Variants in ITGA9 observed in about 807,000 individuals in gnomAD.
ITGA9 encodes integrin subunit alpha 9, also known as integrin alpha-9.
Under a neutral mutation model 127.8 loss-of-function variants are expected in ITGA9, and 56 were observed. That is an observed-to-expected ratio of 0.44 (90% confidence interval 0.35 to 0.55). The LOEUF is 0.55. Ranked by LOEUF, ITGA9 falls within the 20% of genes least tolerant of loss-of-function variation. The pLI is 0.00. For missense variants in ITGA9, 1,196 were observed against 1,347.1 expected (o/e 0.89, Z 1.76); for synonymous variants, 508 against 514.5 (o/e 0.99, Z 0.17).
intron 18 of ITGA9, among the ~76,000 whole-genome samples, chr3:37,728,880 G>T (rs1575211041): frequency 6.6e-6 from 1 of 151,830 alleles, no homozygotes; most frequent in Middle Eastern, 3.4e-3. Flanking sequence ...ATGAGGAGGG[G>T]AAGAAACCAA....
intron 15 of ITGA9, among the ~76,000 whole-genome samples, chr3:37,628,214 C>T (rs1435402260): frequency 6.6e-6 from 1 of 152,138 alleles, no homozygotes; most frequent in East Asian, 1.9e-4. Flanking sequence ...TTTCCTTTGA[C>T]ACGTCTCAGA....
chr3:37,715,693 A>G (rs1373170309), intron 18 of ITGA9, among the ~76,000 whole-genome samples: 1 of 152,222 alleles, frequency 6.6e-6, no homozygotes, highest in African/African-American at 2.4e-5. Flanking sequence ...TGTTTAAAAA[A>G]TCCTGGTTTG....
Position 37,579,124 on chromosome 3 carries a change from G to A in ITGA9, c.1689+36539G>A, listed in dbSNP as rs546335165. On this transcript the variant is annotated intron_variant, in intron 15 of 27. Coordinates refer to ENST00000264741, the MANE Select transcript of ITGA9 (RefSeq NM_002207.3). ...CAGTGTGCATAGTCCCAGGGAAGCC[G>A]TCTCATGAGCCCCTCCTTCTCTTGA... Among the ~76,000 whole-genome samples, 13 of 152,288 alleles carry A rather than the reference G, an allele frequency of 8.5e-5. No individual in the cohort carries two copies. The East Asian group carries it at 1.5e-3, about 18-fold the overall frequency.
At chr3:37,587,043 G>C (rs535031769) in intron 15 of ITGA9, among the ~76,000 whole-genome samples, 9 of 152,148 alleles carry the variant, frequency 5.9e-5, no homozygotes, top group Non-Finnish European at 1.3e-4. Context: ...GGGATGCCTT[G>C]GGTTGAAGCT....
rs548382642 is a variant in ITGA9 at position 37,616,135 on chromosome 3, A to G, written c.1690-13052A>G. On this transcript the variant is annotated intron_variant, in intron 15 of 27. Transcript: ENST00000264741. ...AAATTTCCCTCTACACACTGCTTTG[A>G]ATGTGTCCCAGAGATTCTGGTATGT... 3.2e-4 allele frequency among the ~76,000 whole-genome samples: 48 copies of G among 152,292 alleles called. 2 individuals are homozygous for G. In the South Asian group the frequency reaches 8.9e-3, roughly 28 times the overall value.
chr3:37,743,231 A>C (rs900786320), intron 21 of ITGA9, among the ~76,000 whole-genome samples: 8 of 152,248 alleles, frequency 5.3e-5, no homozygotes, highest in Non-Finnish European at 2.9e-5. Flanking sequence ...ACTTAGTCTC[A>C]AAAATCTGCC....
At chr3:37,514,483 C>G (rs1424550846) in intron 9 of ITGA9, among the ~76,000 whole-genome samples, 1 of 152,192 alleles carries the variant, frequency 6.6e-6, no homozygotes, top group Non-Finnish European at 1.5e-5. Flanking sequence ...CAGTGCAGAG[C>G]TGGGCAAGTG....
chr3:37,817,032 T>G (rs1006802778), intron 27 of ITGA9, among the ~76,000 whole-genome samples: 2 of 152,220 alleles, frequency 1.3e-5, no homozygotes, highest in African/African-American at 4.8e-5. Flanking sequence ...AGAAAGATGG[T>G]GGCAACAGAC....
At chr3:37,748,673 A>G (rs1696539140) in intron 22 of ITGA9, 5 of 529,288 alleles carry the variant, frequency 9.4e-6, no homozygotes, top group Non-Finnish European at 1.7e-5. Context: ...GTTCGAATCC[A>G]GGAGGTGGAA....
intron 1 of ITGA9, among the ~76,000 whole-genome samples, chr3:37,467,575 C>A (rs1369676084): frequency 6.6e-6 from 1 of 152,186 alleles, no homozygotes; most frequent in Non-Finnish European, 1.5e-5. Flanking sequence ...GTTTGGGAGA[C>A]ACAGTGGAGG....
At chr3:37,743,012 C>T (rs570917801) in intron 21 of ITGA9, among the ~76,000 whole-genome samples, 1 of 152,322 alleles carries the variant, frequency 6.6e-6, no homozygotes, top group South Asian at 2.1e-4. Context: ...CCACCACCCC[C>T]AGACACTTGA....
intron 23 of ITGA9, among the ~76,000 whole-genome samples, chr3:37,760,271 T>TA (rs35166311): frequency 0.28 from 40,111 of 141,710 alleles, 5,637 homozygotes; most frequent in Middle Eastern, 0.44. Context: ...TCAATTTAAT[T>TA]AAAAAAAAAA....
chr3:37,729,700 C>CTTTTTTTTTTTTT (rs34875348), intron 18 of ITGA9, among the ~76,000 whole-genome samples: 3 of 84,124 alleles, frequency 3.6e-5, no homozygotes, highest in African/African-American at 4.6e-5. Flanking sequence ...TTTTTGATTT[C>CTTTTTTTTTTTTT]TTTTTTTTTT....
rs770566101 is a variant in ITGA9 at position 37,470,958 on chromosome 3, T to C, written c.186-49T>C. On this transcript the variant is annotated intron_variant, in intron 1 of 27. Transcript: ENST00000264741. ...GGTGAATACTTAGCCATCTGCCTCC[T>C]ATTTTCTTATCGTAGGTTGTGACAG... is the stretch of plus-strand genomic sequence containing the variant. 3.7e-6 allele frequency: 6 copies of C among 1,611,150 alleles called. No homozygotes were observed. In the South Asian group the frequency reaches 4.4e-5, roughly 12 times the overall value.
intron 15 of ITGA9, among the ~76,000 whole-genome samples, chr3:37,620,954 C>G (rs73068693): frequency 0.028 from 4,200 of 152,312 alleles, 90 homozygotes; most frequent in Non-Finnish European, 0.041. Context: ...CACACAGCAA[C>G]CAAGTGTTGG....
At chr3:37,456,544 T>C (rs1167497004) in intron 1 of ITGA9, among the ~76,000 whole-genome samples, 2 of 152,142 alleles carry the variant, frequency 1.3e-5, no homozygotes, top group East Asian at 1.9e-4. Context: ...CCCTCCTCCT[T>C]CTCTGCCCCA....
intron 18 of ITGA9, among the ~76,000 whole-genome samples, chr3:37,709,762 T>G (rs1367893104): frequency 6.6e-6 from 1 of 152,236 alleles, no homozygotes; most frequent in Admixed American, 6.5e-5. Flanking sequence ...GAAGCTTATG[T>G]GGAAGGAAAC....
chr3:37,720,059 C>T (rs1487017274), intron 18 of ITGA9, among the ~76,000 whole-genome samples: 1 of 152,170 alleles, frequency 6.6e-6, no homozygotes, highest in Non-Finnish European at 1.5e-5. Context: ...TCCATGTTCG[C>T]AGAGGTTAGC....
chr3:37,487,568 C>T (rs1323025910), intron 4 of ITGA9, among the ~76,000 whole-genome samples: 1 of 152,178 alleles, frequency 6.6e-6, no homozygotes, highest in Non-Finnish European at 1.5e-5. Flanking sequence ...TGAGCACCTA[C>T]CTGGTGCCAG....
Sources: gnomAD v4.1 joint callset for allele counts (sites outside exome capture counted in the v4.1 genomes callset) on GRCh38, gnomAD v4.1.1 for gene constraint, MANE v1.5 for transcripts, NCBI Gene and HGNC (gene_info 2026-07-23, HGNC 2026-07-21) for gene names.